OAS2: variants seen among roughly 807,000 people sequenced by gnomAD.
OAS2 encodes the protein 2'-5'-oligoadenylate synthetase 2.
Under a neutral mutation model 71.3 loss-of-function variants are expected in OAS2, and 67 were observed. That is an observed-to-expected ratio of 0.94 (90% CI 0.77 to 1.15). The LOEUF (loss-of-function observed/expected upper bound fraction) is 1.15, where lower values mean the gene tolerates loss of function less well. OAS2 is among the 50% of genes most tolerant of loss of function. OAS2 has a pLI of 0.00. For missense variants in OAS2, 789 were observed against 822.5 expected (o/e 0.96, Z 0.50); for synonymous variants, 327 against 321.8 (o/e 1.02, Z -0.17).
chr12:112,984,754 T>C (rs1313688550), intron 1 of OAS2, among the ~76,000 whole-genome samples: 1 of 152,228 alleles, frequency 6.6e-6, no homozygotes, highest in Non-Finnish European at 1.5e-5. Flanking sequence ...GTGAGTTTTA[T>C]ACTTTTGTGT....
chr12:113,009,513 CA>C lies in OAS2; in HGVS notation c.*262del, dbSNP rs2044362636. On this transcript the variant is annotated 3_prime_UTR_variant, in exon 10 of 10. Coordinates refer to ENST00000392583, the MANE Select transcript of OAS2 (RefSeq NM_002535.3). ...CTAGCCCTCCTCTCCCAGTGACAACCAAAAGTCTTCAGACATTGTCAAACGT... is the reference window on the plus strand; with the variant it reads ...CTAGCCCTCCTCTCCCAGTGACAACCAAAGTCTTCAGACATTGTCAAACGT... 8.6e-7 allele frequency: 1 copy of C among 1,167,332 alleles called. No individual in the cohort carries two copies. Among genetic ancestry groups the C allele is most frequent in the Non-Finnish European group, 1.1e-6 (1 of 946,616 alleles). The allele number at this position is 1,167,332 out of a possible 1,614,324, so 72.3% of individuals were successfully genotyped here.
Position 113,009,460 on chromosome 12 carries a change from A to G in OAS2, c.*205A>G, listed in dbSNP as rs1191446068. On this transcript the variant is annotated 3_prime_UTR_variant, in exon 10 of 10. Coordinates refer to ENST00000392583, the MANE Select transcript of OAS2 (RefSeq NM_002535.3). ...CATGCACTGTAGGGTGCTGCGCAGC[A>G]TCCCTAGTCTCTACCCAGTAGATGC... is the stretch of plus-strand genomic sequence containing the variant. 4.4e-6 allele frequency: 6 copies of G among 1,357,452 alleles called. No individual in the cohort carries two copies. Among genetic ancestry groups the G allele is most frequent in the Non-Finnish European group, 5.7e-6 (6 of 1,055,878 alleles). The allele number at this position is 1,357,452 out of a possible 1,614,324, so 84.1% of individuals were successfully genotyped here. A position where few individuals can be genotyped will look rare whatever the true frequency, so the allele number is the denominator to read the frequency against.
chr12:112,999,379 G>A (rs924976643), intron 5 of OAS2, among the ~76,000 whole-genome samples: 1 of 152,152 alleles, frequency 6.6e-6, no homozygotes, highest in Non-Finnish European at 1.5e-5. Context: ...CCTGGGAACC[G>A]CACTGGAGAC....
intron 3 of OAS2, among the ~76,000 whole-genome samples, chr12:112,996,016 G>T (rs1003272127): frequency 6.6e-6 from 1 of 152,132 alleles, no homozygotes; most frequent in African/African-American, 2.4e-5. Context: ...TGCCCAGGCT[G>T]GTCTTGAACT....
chr12:113,007,661 C>A, intron 8 of OAS2, 44 bp from the exon 9 acceptor site: 1 of 1,541,198 alleles, frequency 6.5e-7, no homozygotes, highest in Non-Finnish European at 8.9e-7. Context: ...TCTCACTGAG[C>A]TCCTAGGCTA....
At chr12:112,998,447 G>A (rs1450242513) in intron 5 of OAS2, 37 bp downstream of exon 5, 1 of 1,591,400 alleles carries the variant, frequency 6.3e-7, no homozygotes, top group Admixed American at 1.9e-5. Context: ...GTTTCATGCT[G>A]CAGGAAGGTC....
rs776157157 is a variant in OAS2 at position 113,001,027 on chromosome 12, GC to G, written c.1009-1902del. 1.1e-4 allele frequency among the ~76,000 whole-genome samples: 17 copies of G among 152,226 alleles called. No homozygotes were observed. The South Asian group carries it at 3.3e-3, about 30-fold the overall frequency. Reference sequence around the variant, plus strand: ...CCTCTTACTGCTGTTTTAAAAAAATGCCCTAAACTTAGTGGCTTAAAACACA... The same window carrying G: ...CCTCTTACTGCTGTTTTAAAAAAATGCCTAAACTTAGTGGCTTAAAACACA... On this transcript the variant is annotated intron_variant, in intron 5 of 9. Transcript: ENST00000392583.
In OAS2 at chr12:113,009,536, A is replaced by T. The variant is rs1442085029; in HGVS notation, c.*281A>T. On this transcript the variant is annotated 3_prime_UTR_variant, in exon 10 of 10. Coordinates refer to ENST00000392583, the MANE Select transcript of OAS2 (RefSeq NM_002535.3). ...ACCAAAAGTCTTCAGACATTGTCAA[A>T]CGTTCCCCTGGGTTCACAGATCTTT... 2 of 1,108,134 alleles carry T rather than the reference A, an allele frequency of 1.8e-6. No individual in the cohort carries two copies. The highest frequency in any genetic ancestry group is 3.3e-5 in the African/African-American group (2 of 61,018). 68.6% of individuals were successfully genotyped at this position (1,108,134 alleles called of 1,614,324 possible). A position where few individuals can be genotyped will look rare whatever the true frequency, so the allele number is the denominator to read the frequency against.
At position 113,009,237 on chromosome 12, in the gene OAS2, G is replaced by T. The variant is rs529169574; in HGVS notation, c.2046G>T (p.Val682=). ...GAAACCCAATACCACCTTGGAAAGT[G>T]CCGGTAAAAGTCATCTAAAGGAGGC... is the stretch of plus-strand genomic sequence containing the variant. The part of the protein sequence containing the change: ...GTGNPIPPWK[V]PVKVI Residue 682 remains valine, a synonymous_variant, in exon 10 of 10, where the codon GTG becomes GTT. Coordinates refer to ENST00000392583, the MANE Select transcript of OAS2 (RefSeq NM_002535.3). The T allele has an allele frequency of 4.5e-5, 73 of 1,613,928 alleles. No individual in the cohort carries two copies. The highest frequency in any genetic ancestry group is 5.9e-5 in the Non-Finnish European group (70 of 1,179,902).
At chr12:113,005,302 C>T (rs2044322076) in intron 7 of OAS2, 80 bp downstream of exon 7, 5 of 1,414,810 alleles carry the variant, frequency 3.5e-6, no homozygotes, top group Middle Eastern at 2.2e-4. Flanking sequence ...ATTACGGGCT[C>T]TGAAAACATG....
Position 113,007,957 on chromosome 12 carries a change from A to C in OAS2, c.1895+14A>C. On this transcript the variant is annotated intron_variant, in intron 9 of 9. Transcript: ENST00000392583. Reference sequence around the variant, plus strand: ...GCAGAAAACCAGGTGCCTTCACCCTAGCCCCGTACTTTTCTTAACCTGATT... The same window carrying C: ...GCAGAAAACCAGGTGCCTTCACCCTCGCCCCGTACTTTTCTTAACCTGATT... The C allele has an allele frequency of 1.3e-5, 20 of 1,584,260 alleles. No individual in the cohort carries two copies. Among genetic ancestry groups the C allele is most frequent in the Non-Finnish European group, 1.5e-5 (17 of 1,152,954 alleles).
At chr12:112,995,271 C>T (rs376966338) in intron 2 of OAS2, 25 bp from the exon 3 acceptor site, 78 of 1,586,624 alleles carry the variant, frequency 4.9e-5, no homozygotes, top group Non-Finnish European at 6.3e-5. Context: ...TAAATAACAA[C>T]GTTCCAATTT....
At chr12:112,995,204 C>G in intron 2 of OAS2, 92 bp from the exon 3 acceptor site, 1 of 1,179,882 alleles carries the variant, frequency 8.5e-7, no homozygotes, top group East Asian at 2.4e-5. Context: ...CGTGTGCTAT[C>G]AAACTATAAC....
Position 112,978,767 on chromosome 12 carries a change from G to A in OAS2, c.159G>A (p.Leu53=), listed in dbSNP as rs771017675. Residue 53 remains leucine, a synonymous_variant, in exon 1 of 10, where the codon CTG becomes CTA. Transcript: ENST00000392583. This position sits in a 1 kb window ranked among gnomAD's most constrained non-coding sequence, Gnocchi z 4.2. ...TGCAGGAACCCGAACAGTTCCCCCT[G>A]GTGCAGGGAGTGGCCATAGTGAGTC... ...DVLQEPEQFP[L]VQGVAIGGSY... is the part of the protein sequence containing the mutation. The A allele has an allele frequency of 6.2e-7, 1 of 1,613,664 alleles. No individual in the cohort carries two copies. The highest frequency in any genetic ancestry group is 2.2e-5 in the East Asian group (1 of 44,860).
chr12:112,994,211 T>C (rs1385057345), intron 2 of OAS2, among the ~76,000 whole-genome samples: 2 of 152,128 alleles, frequency 1.3e-5, no homozygotes, highest in Non-Finnish European at 2.9e-5. Flanking sequence ...ATAGTTACAT[T>C]TCTTCCCTGC....
Position 113,007,881 on chromosome 12 carries a change from C to A in OAS2, c.1833C>A (p.Val611=). The A allele has an allele frequency of 6.2e-7, 1 of 1,614,124 alleles. No homozygotes were observed. The highest frequency in any genetic ancestry group is 1.1e-5 in the South Asian group (1 of 91,060). Residue 611 remains valine, a synonymous_variant, in exon 9 of 10, where the codon GTC becomes GTA. Transcript: ENST00000392583. ...AGCAGCTCTGCATCTTCTGGAAGGT[C>A]AATTACAACTTTGAAGATGAGACCG... ...QYQQLCIFWK[V]NYNFEDETVR...
chr12:113,009,167 A>C lies in OAS2; in HGVS notation c.1976A>C (p.Glu659Ala), dbSNP rs148333463. ...TGGTGTTGGCATCTTCTGGCAAAAG[A>C]AGCAAAGGAATGGTTATCCTCTCCC... ...DRWCWHLLAK[E>A]AKEWLSSPCF... Residue 659 changes from glutamate to alanine, a missense_variant, in exon 10 of 10, where the codon GAA (glutamate) becomes GCA (alanine). Glu to Ala is a moderately radical substitution (Grantham distance 107). Transcript: ENST00000392583. 165 of 1,614,106 alleles carry C rather than the reference A, an allele frequency of 1.0e-4. No individual in the cohort carries two copies. In the African/African-American group the frequency reaches 1.9e-3, roughly 18 times the overall value.
intron 2 of OAS2, among the ~76,000 whole-genome samples, chr12:112,993,729 C>T (rs750459752): frequency 6.6e-5 from 10 of 151,274 alleles, no homozygotes; most frequent in Non-Finnish European, 1.5e-4. Flanking sequence ...AAAAGCCAAA[C>T]ATGGTGGCAC....
In OAS2 at chr12:112,987,228, C is replaced by T. The variant is rs769730827; in HGVS notation, c.368C>T (p.Ser123Phe). 8.7e-6 allele frequency: 14 copies of T among 1,614,024 alleles called. No homozygotes were observed. The highest frequency in any genetic ancestry group is 1.2e-5 in the Non-Finnish European group (14 of 1,180,038). Reference sequence around the variant, plus strand: ...AAAAACAATTTCGAGATCCAGAAGTCCCTTGATGGGTTCACCATCCAGGTG... The same window carrying T: ...AAAAACAATTTCGAGATCCAGAAGTTCCTTGATGGGTTCACCATCCAGGTG... Reference protein sequence around the residue: ...WLKNNFEIQKSLDGFTIQVFT... With the variant: ...WLKNNFEIQKFLDGFTIQVFT... Residue 123 changes from serine (S) to phenylalanine (F), a missense_variant, in exon 2 of 10, where the codon TCC becomes TTC. Transcript: ENST00000392583.
Sources: gnomAD v4.1 joint callset for allele counts (sites outside exome capture counted in the v4.1 genomes callset) on GRCh38, gnomAD v4.1.1 for gene constraint, Gnocchi (gnomAD v3.1) non-coding constraint, MANE v1.5 for transcripts, NCBI Gene and HGNC (gene_info 2026-07-23, HGNC 2026-07-21) for gene names.